Variants in SAXO1 observed in about 807,000 individuals in gnomAD.
The protein encoded by SAXO1 is 4930500O09Rik.
SAXO1 carries 21 observed loss-of-function variants against 17.5 expected under a neutral mutation model. That is an observed-to-expected ratio of 1.20 (90% CI 0.85 to 1.72). SAXO1 has a LOEUF of 1.72. Ranked by LOEUF, SAXO1 falls within the 40% of genes most tolerant of loss-of-function variation. The pLI is 0.00. For synonymous variants in SAXO1, 274 were observed against 216.5 expected (o/e 1.27, Z -2.33); for missense variants, 843 against 596.0 (o/e 1.41, Z -4.32).
At position 19,049,226 on chromosome 9, in the gene SAXO1, C is replaced by G. The variant is rs773475324; in HGVS notation, c.-175G>C. 6.3e-6 allele frequency: 1 copy of G among 158,544 alleles called. No individual in the cohort carries two copies. Among genetic ancestry groups the G allele is most frequent in the African/African-American group, 2.4e-5 (1 of 41,534 alleles). The allele number at this position is 158,544 out of a possible 1,614,324, so 9.8% of individuals were successfully genotyped here. On this transcript the variant is annotated 5_prime_UTR_variant, in exon 1 of 4. Transcript: ENST00000542071. This position sits in a 1 kb window ranked among gnomAD's most constrained non-coding sequence, Gnocchi z 5.4. ...ACACGTACCCCTAGCAACAGCAAACCCAGCTGCAACAGAACAAAAGACCGA... is the reference window on the plus strand; with the variant it reads ...ACACGTACCCCTAGCAACAGCAAACGCAGCTGCAACAGAACAAAAGACCGA...
upstream of SAXO1, among the ~76,000 whole-genome samples, chr9:19,037,199 G>T (rs1473971314): frequency 6.6e-6 from 1 of 152,186 alleles, no homozygotes; most frequent in Non-Finnish European, 1.5e-5. Flanking sequence ...GATTTTACAG[G>T]TTCATAGGTG....
At chr9:18,963,397 T>A (rs1052924498) in intron 1 of SAXO1, among the ~76,000 whole-genome samples, 3 of 152,204 alleles carry the variant, frequency 2.0e-5, no homozygotes, top group African/African-American at 7.2e-5. Flanking sequence ...CTTTGGGCAG[T>A]ATGGCCATTT....
At chr9:18,944,217 G>A (rs7032493) in intron 2 of SAXO1, among the ~76,000 whole-genome samples, 17,664 of 151,972 alleles carry the variant, frequency 0.12, 1,258 homozygotes, top group African/African-American at 0.2. Context: ...GGGGGGAAGC[G>A]GTATCTACTT....
chr9:18,975,228 TGCAGGCTG>T (rs1833096650), intron 1 of SAXO1, among the ~76,000 whole-genome samples: 1 of 10,248 alleles, frequency 9.8e-5, no homozygotes, highest in African/African-American at 3.9e-4. Flanking sequence ...GCAGGGAGAG[TGCAGGCTG>T]GGGAAGCAGG....
At chr9:18,959,141 A>C (rs1490852390) in intron 1 of SAXO1, among the ~76,000 whole-genome samples, 1 of 152,204 alleles carries the variant, frequency 6.6e-6, no homozygotes, top group Non-Finnish European at 1.5e-5. Flanking sequence ...GTGGTTCAAC[A>C]GACATTCTGA....
intron 3 of SAXO1, among the ~76,000 whole-genome samples, chr9:18,941,051 T>A (rs1366973806): frequency 6.6e-6 from 1 of 152,234 alleles, no homozygotes; most frequent in Non-Finnish European, 1.5e-5. Flanking sequence ...TTTATTGATC[T>A]CTATAATTAT....
chr9:18,989,700 T>G (rs1467285990), intron 1 of SAXO1, among the ~76,000 whole-genome samples: 2 of 152,144 alleles, frequency 1.3e-5, no homozygotes, highest in African/African-American at 4.8e-5. Flanking sequence ...TCAAATTCAC[T>G]TCAGACCATG....
intron 1 of SAXO1, among the ~76,000 whole-genome samples, chr9:18,954,919 T>TAAA (rs10630997): frequency 1.1e-3 from 166 of 147,092 alleles, no homozygotes; most frequent in Middle Eastern, 3.4e-3. Context: ...AAAAAAAAGT[T>TAAA]AAAAAAAAAA....
chr9:18,928,463 G>A lies in SAXO1; in HGVS notation c.1014C>T (p.Ser338=), dbSNP rs766212562. The A allele has an allele frequency of 4.3e-6, 7 of 1,612,126 alleles. No individual in the cohort carries two copies. The South Asian group carries it at 6.6e-5, about 15-fold the overall frequency. Reference sequence around the variant, plus strand: ...ACTGCTTGTAGTCATCCTTGGTGGTGGAAGAGCCTTCAAAGCGACCGCACT... The same window carrying A: ...ACTGCTTGTAGTCATCCTTGGTGGTAGAAGAGCCTTCAAAGCGACCGCACT... ...IKKCGRFEGS[S]TTKDDYKQWS... The change falls in exon 4 of 4, where the codon TCC becomes TCT. Residue 338 remains serine (S), a synonymous_variant. Transcript: ENST00000380534.
At chr9:19,001,338 C>T (rs1322336317) in intron 1 of SAXO1, among the ~76,000 whole-genome samples, 1 of 152,164 alleles carries the variant, frequency 6.6e-6, no homozygotes, top group African/African-American at 2.4e-5. Context: ...TCCTGAATGG[C>T]TACTGGGTAC....
intron 1 of SAXO1, among the ~76,000 whole-genome samples, chr9:18,978,734 A>T (rs999559034): frequency 5.9e-5 from 9 of 152,214 alleles, no homozygotes; most frequent in South Asian, 2.1e-4. Flanking sequence ...TTGCAAAATA[A>T]CTTAGGAAGA....
At chr9:18,978,215 A>T (rs1833230539) in intron 1 of SAXO1, among the ~76,000 whole-genome samples, 1 of 151,958 alleles carries the variant, frequency 6.6e-6, no homozygotes, top group Admixed American at 6.5e-5. Flanking sequence ...CCCACAATGG[A>T]AATGCAATGA....
chr9:18,979,697 G>C (rs987377963), intron 1 of SAXO1, among the ~76,000 whole-genome samples: 1 of 152,206 alleles, frequency 6.6e-6, no homozygotes, highest in Admixed American at 6.5e-5. Flanking sequence ...AGAATTGGAG[G>C]CAGCATAGTG....
intron 1 of SAXO1, among the ~76,000 whole-genome samples, chr9:19,014,872 G>C (rs907625740): frequency 1.1e-4 from 16 of 152,158 alleles, no homozygotes; most frequent in African/African-American, 3.6e-4. Context: ...CCGGGGTTAG[G>C]AAGTCAAGAC....
intron 2 of SAXO1, 107 bp from the exon 3 acceptor site, chr9:18,941,946 T>A: frequency 9.9e-7 from 1 of 1,011,204 alleles, no homozygotes; most frequent in Non-Finnish European, 1.5e-6. Context: ...CCTGTTCTAC[T>A]CTACCTGCCT....
At chr9:19,047,771 C>A (rs963367706) in intron 1 of SAXO1, among the ~76,000 whole-genome samples, 1 of 152,168 alleles carries the variant, frequency 6.6e-6, no homozygotes, top group Non-Finnish European at 1.5e-5. Flanking sequence ...TTTCAGACAT[C>A]CAATCTCTTG....
intron 1 of SAXO1, among the ~76,000 whole-genome samples, chr9:19,030,375 A>C (rs768148489): frequency 1.1e-4 from 16 of 152,296 alleles, no homozygotes; most frequent in Middle Eastern, 6.8e-3. Flanking sequence ...GGACCAATTA[A>C]AGAAAGATTA....
chr9:18,953,523 C>A (rs545523777), intron 1 of SAXO1, among the ~76,000 whole-genome samples: 1 of 152,182 alleles, frequency 6.6e-6, no homozygotes, highest in Admixed American at 6.5e-5. Flanking sequence ...TGCTGGTTAA[C>A]TGAAACCTTG....
intron 1 of SAXO1, among the ~76,000 whole-genome samples, chr9:19,002,223 A>G (rs531938392): frequency 1.3e-5 from 2 of 152,326 alleles, no homozygotes; most frequent in South Asian, 4.1e-4. Flanking sequence ...GCATAGACCA[A>G]TAACAGGTTC....
Sources: allele counts gnomAD v4.1 joint callset (sites outside exome capture counted in the v4.1 genomes callset), GRCh38; gene constraint gnomAD v4.1.1; non-coding constraint Gnocchi (gnomAD v3.1); transcripts MANE v1.5; gene names NCBI Gene and HGNC (gene_info 2026-07-23, HGNC 2026-07-21).